The following DLGAP2 variants were observed in gnomAD, a reference collection of about 807,000 sequenced individuals.
DLGAP2 encodes the protein disks large-associated protein 2.
A neutral mutation model predicts 100.3 loss-of-function variants in DLGAP2; 26 were observed. The ratio of observed to expected loss-of-function variants is 0.26; its 90% confidence interval spans 0.19 to 0.36. The LOEUF (loss-of-function observed/expected upper bound fraction) is 0.36. DLGAP2 is among the 10% of genes least tolerant of loss of function. The pLI is 1.00. For missense variants in DLGAP2, 1,858 were observed against 1,453.2 expected, an observed-to-expected ratio of 1.28 and a Z score of -4.53; for synonymous variants, 886 against 630.1, an observed-to-expected ratio of 1.41 and a Z score of -6.08.
intron 1 of DLGAP2, among the ~76,000 whole-genome samples, chr8:905,428 G>A (rs971877874): frequency 6.6e-6 from 1 of 152,118 alleles, no homozygotes; most frequent in Non-Finnish European, 1.5e-5. Context: ...CCATGCGTCT[G>A]AACTGGTGAC....
chr8:903,801 C>A (rs916749443), intron 1 of DLGAP2, among the ~76,000 whole-genome samples: 1 of 152,200 alleles, frequency 6.6e-6, no homozygotes, highest in Admixed American at 6.5e-5. Flanking sequence ...TGGGGGAAAC[C>A]AAGTCGGCAC....
At chr8:1,519,459 T>C (rs924662667) in intron 4 of DLGAP2, among the ~76,000 whole-genome samples, 4 of 152,100 alleles carry the variant, frequency 2.6e-5, no homozygotes, top group Non-Finnish European at 5.9e-5. Flanking sequence ...CATCAGAAAA[T>C]AGAATATGAA....
chr8:965,470 G>A (rs1385958828), intron 2 of DLGAP2, among the ~76,000 whole-genome samples: 2 of 46,760 alleles, frequency 4.3e-5, no homozygotes, highest in Non-Finnish European at 7.7e-5. Context: ...GTCTGACCCC[G>A]CACTGCACAC....
At chr8:1,332,126 T>G (rs1585267900) in intron 3 of DLGAP2, among the ~76,000 whole-genome samples, 1 of 152,298 alleles carries the variant, frequency 6.6e-6, no homozygotes, top group Non-Finnish European at 1.5e-5. Flanking sequence ...CTGCAGTCAA[T>G]GTGTCCTGGT....
At chr8:1,139,039 T>C (rs1346775511) in intron 2 of DLGAP2, among the ~76,000 whole-genome samples, 2 of 152,266 alleles carry the variant, frequency 1.3e-5, no homozygotes, top group South Asian at 2.1e-4. Context: ...CGCACTGTTC[T>C]AGTTGAAGGA....
chr8:1,203,039 C>A (rs919854043), intron 2 of DLGAP2, among the ~76,000 whole-genome samples: 1 of 152,214 alleles, frequency 6.6e-6, no homozygotes, highest in Non-Finnish European at 1.5e-5. Context: ...GCACCCACAT[C>A]CACGCCGGTT....
intron 3 of DLGAP2, among the ~76,000 whole-genome samples, chr8:1,274,876 C>T (rs185697298): frequency 4.6e-5 from 7 of 152,162 alleles, no homozygotes; most frequent in East Asian, 1.9e-4. Flanking sequence ...TTAATTCCTT[C>T]GGTAGCAATT....
At chr8:1,167,398 G>C (rs1797038215) in intron 2 of DLGAP2, among the ~76,000 whole-genome samples, 1 of 152,136 alleles carries the variant, frequency 6.6e-6, no homozygotes, top group Non-Finnish European at 1.5e-5. Context: ...AAGGCAGAGA[G>C]GGGTGAGGCT....
At position 847,431 on chromosome 8, in the gene DLGAP2, C is replaced by CT. The variant is rs531674035; in HGVS notation, c.19-60476dup. Among the ~76,000 whole-genome samples the CT allele has an allele frequency of 1.6e-4, 25 of 152,006 alleles. No homozygotes were observed. The East Asian group carries it at 4.8e-3, about 29-fold the overall frequency. On this transcript the variant is annotated intron_variant, in intron 1 of 14. Coordinates refer to ENST00000637795, the MANE Select transcript of DLGAP2 (RefSeq NM_001346810.2). ...ATATATTTTACACTTTTTTTCCCTT[C>CT]TTTTTCATGTAACTCTGACCAGAAT...
At chr8:941,926 A>G (rs912597365) in intron 2 of DLGAP2, among the ~76,000 whole-genome samples, 2 of 151,694 alleles carry the variant, frequency 1.3e-5, no homozygotes, top group Non-Finnish European at 2.9e-5. Flanking sequence ...AGGTGCCCGG[A>G]GGTTTTGGCT....
intron 2 of DLGAP2, among the ~76,000 whole-genome samples, chr8:1,167,796 C>G (rs1362264812): frequency 6.6e-6 from 1 of 152,046 alleles, no homozygotes; most frequent in Non-Finnish European, 1.5e-5. Context: ...GGTACAAAGT[C>G]AAGTATAAAG....
chr8:1,050,046 TCA>T (rs774906198), intron 2 of DLGAP2, among the ~76,000 whole-genome samples: 50 of 152,286 alleles, frequency 3.3e-4, no homozygotes, highest in Non-Finnish European at 5.4e-4. Context: ...ACACATGCTG[TCA>T]CACACATGTA....
At chr8:970,540 T>G (rs1240117180) in intron 2 of DLGAP2, among the ~76,000 whole-genome samples, 1 of 152,200 alleles carries the variant, frequency 6.6e-6, no homozygotes, top group African/African-American at 2.4e-5. Context: ...GCCTGTTTTT[T>G]GGACTAATGT....
chr8:1,110,051 G>A (rs1042069211), intron 2 of DLGAP2, among the ~76,000 whole-genome samples: 4 of 139,666 alleles, frequency 2.9e-5, no homozygotes, highest in African/African-American at 1.1e-4. Context: ...GAAGTGTGCT[G>A]GGTCTGTGAT....
intron 3 of DLGAP2, among the ~76,000 whole-genome samples, chr8:1,265,937 T>C (rs750060797): frequency 6.6e-6 from 1 of 152,228 alleles, no homozygotes; most frequent in African/African-American, 2.4e-5. Flanking sequence ...ATAAAATCAT[T>C]GTTTAATGAT....
chr8:1,498,298 C>A (rs1799608952), intron 3 of DLGAP2, among the ~76,000 whole-genome samples: 1 of 151,470 alleles, frequency 6.6e-6, no homozygotes, highest in Non-Finnish European at 1.5e-5. Context: ...TCTCCTGGAT[C>A]TGGGAAAAGG....
At chr8:1,593,033 T>C (rs1039144554) in intron 6 of DLGAP2, among the ~76,000 whole-genome samples, 4 of 152,318 alleles carry the variant, frequency 2.6e-5, no homozygotes, top group African/African-American at 9.6e-5. Context: ...TGATTATACA[T>C]TGCAATAGTA....
At chr8:1,486,023 T>C (rs1278779209) in intron 3 of DLGAP2, among the ~76,000 whole-genome samples, 1 of 152,104 alleles carries the variant, frequency 6.6e-6, no homozygotes, top group Non-Finnish European at 1.5e-5. Context: ...AGAGACTCCA[T>C]CTCAAAAAAT....
intron 3 of DLGAP2, among the ~76,000 whole-genome samples, chr8:1,346,561 G>T: frequency 6.6e-6 from 1 of 151,904 alleles, no homozygotes; most frequent in Non-Finnish European, 1.5e-5. Flanking sequence ...TGGTAGCTGT[G>T]TGGGTGTTGA....
Sources: allele counts gnomAD v4.1 joint callset (sites outside exome capture counted in the v4.1 genomes callset), GRCh38; gene constraint gnomAD v4.1.1; transcripts MANE v1.5; gene names NCBI Gene and HGNC (gene_info 2026-07-23, HGNC 2026-07-21).